The following PCDHGB4 variants were observed in gnomAD, a reference collection of about 807,000 sequenced individuals.
The protein encoded by PCDHGB4 is protocadherin gamma-B4.
PCDHGB4 carries 38 observed loss-of-function variants against 60.5 expected under a neutral mutation model. The observed-to-expected ratio is 0.63, with a 90% CI of 0.48 to 0.82. PCDHGB4 has a LOEUF of 0.82. Among genes scored for constraint, PCDHGB4 ranks in the 40% least tolerant of loss-of-function variants. PCDHGB4 has a pLI of 0.00. For synonymous variants in PCDHGB4, 456 were observed against 509.7 expected, an observed-to-expected ratio of 0.89 and a Z score of 1.42; for missense variants, 1,109 against 1,209.6, an observed-to-expected ratio of 0.92 and a Z score of 1.23.
chr5:141,408,326 G>A, intron 1 of PCDHGB4: 6 of 1,613,904 alleles, frequency 3.7e-6, no homozygotes, highest in Non-Finnish European at 4.2e-6. Context: ...GGAGGAGCTG[G>A]CCAAGGGCTC....
At position 141,489,586 on chromosome 5, in the gene PCDHGB4, C is replaced by T; in HGVS notation, c.2398-5221C>T. 1 of 1,614,082 alleles carries T rather than the reference C, an allele frequency of 6.2e-7. No individual in the cohort carries two copies. The highest frequency in any genetic ancestry group is 8.5e-7 in the Non-Finnish European group (1 of 1,179,988). On this transcript the variant is annotated intron_variant, in intron 1 of 3. Coordinates refer to ENST00000519479, the MANE Select transcript of PCDHGB4 (RefSeq NM_003736.4). This position sits in a 1 kb window ranked among gnomAD's most constrained non-coding sequence, Gnocchi z 4.5. ...GGTGGTGACTGAACACCCCCTGGAG[C>T]TAATCCGTGTAGAGGTAGAGATCCT...
intron 1 of PCDHGB4, among the ~76,000 whole-genome samples, chr5:141,465,576 C>T (rs1002696285): frequency 6.6e-6 from 1 of 152,136 alleles, no homozygotes; most frequent in Non-Finnish European, 1.5e-5. Context: ...TCTCAAAACA[C>T]TCTCATAATA....
chr5:141,399,414 C>T, intron 1 of PCDHGB4: 1 of 1,614,034 alleles, frequency 6.2e-7, no homozygotes, highest in East Asian at 2.2e-5. Flanking sequence ...CGCCCCTCTC[C>T]TCCAGCATAA....
chr5:141,497,509 C>T (rs1282025317), intron 2 of PCDHGB4, among the ~76,000 whole-genome samples: 1 of 151,184 alleles, frequency 6.6e-6, no homozygotes, highest in Non-Finnish European at 1.5e-5. Flanking sequence ...CTCTCTGCTT[C>T]CTTAGTTAAC....
At chr5:141,478,090 C>T in intron 1 of PCDHGB4, 2 of 1,614,108 alleles carry the variant, frequency 1.2e-6, no homozygotes, top group Non-Finnish European at 1.7e-6. Flanking sequence ...CGCTCTCCAC[C>T]ACTGCTACCC....
In PCDHGB4 at chr5:141,493,233, G is replaced by T. The variant is rs1335823475; in HGVS notation, c.2398-1574G>T. ...TTTGCTCTTCCCACCATTGCTGTTG[G>T]CTAGGTACTAACATGCCTCTCTTAT... is the stretch of plus-strand genomic sequence containing the variant. On this transcript the variant is annotated intron_variant, in intron 1 of 3. Coordinates refer to ENST00000519479, the MANE Select transcript of PCDHGB4 (RefSeq NM_003736.4). This position sits in a 1 kb window ranked among gnomAD's most constrained non-coding sequence, Gnocchi z 4.3. 6.6e-6 allele frequency among the ~76,000 whole-genome samples: 1 copy of T among 152,172 alleles called. No homozygotes were observed. The highest frequency in any genetic ancestry group is 2.1e-4 in the South Asian group (1 of 4,828).
At chr5:141,405,082 G>A (rs376389835) in intron 1 of PCDHGB4, 21 of 1,613,674 alleles carry the variant, frequency 1.3e-5, no homozygotes, top group East Asian at 2.2e-5. Context: ...TCGTTATCAC[G>A]CTGCTGGCCC....
At chr5:141,403,596 C>G (rs746360206) in intron 1 of PCDHGB4, 16 of 1,613,650 alleles carry the variant, frequency 9.9e-6, no homozygotes, top group African/African-American at 2.7e-5. Flanking sequence ...CTCACGGCCT[C>G]GGATGGCGGC....
chr5:141,452,494 T>C (rs1186924396), intron 1 of PCDHGB4, among the ~76,000 whole-genome samples: 2 of 152,192 alleles, frequency 1.3e-5, no homozygotes, highest in African/African-American at 4.8e-5. Flanking sequence ...CACACCCATA[T>C]TTATATTTGT....
Position 141,455,633 on chromosome 5 carries a change from G to A in PCDHGB4, c.2398-39174G>A, listed in dbSNP as rs1049071525. On this transcript the variant is annotated intron_variant, in intron 1 of 3. Coordinates refer to ENST00000519479, the MANE Select transcript of PCDHGB4 (RefSeq NM_003736.4). ...ATGTTCTAAACACGTGGAGATATGT[G>A]GGGGGCAGCCATGTGGCCAGGAACT... Among the ~76,000 whole-genome samples, 19 of 152,198 alleles carry A rather than the reference G, an allele frequency of 1.2e-4. No homozygotes were observed. In the East Asian group the frequency reaches 3.1e-3, roughly 25 times the overall value.
At chr5:141,500,546 G>A (rs1428503967) in intron 2 of PCDHGB4, among the ~76,000 whole-genome samples, 1 of 152,126 alleles carries the variant, frequency 6.6e-6, no homozygotes, top group African/African-American at 2.4e-5. Context: ...ACCTAAATAA[G>A]TTGTTCACAA....
chr5:141,404,174 C>A, intron 1 of PCDHGB4: 1 of 1,613,138 alleles, frequency 6.2e-7, no homozygotes, highest in Non-Finnish European at 8.5e-7. Flanking sequence ...GTTGACGGCC[C>A]AAATTCTTGA....
intron 1 of PCDHGB4, among the ~76,000 whole-genome samples, chr5:141,438,611 TATATATATATATATATATATATATAC>T (rs1451681129): frequency 0.1 from 4,016 of 39,372 alleles, 166 homozygotes; most frequent in Middle Eastern, 0.18. Context: ...TATATATATA[TATATATATATATATATATATATATAC>T]ACACACACAC....
At chr5:141,420,073 G>A (rs2096463936) in intron 1 of PCDHGB4, 23 of 1,613,964 alleles carry the variant, frequency 1.4e-5, no homozygotes, top group Non-Finnish European at 1.9e-5. Context: ...CCGGACCTGT[G>A]GGTCCCCCCA....
rs534304763 is a variant in PCDHGB4 at position 141,394,533 on chromosome 5, G to T, written c.2397+4252G>T. 2 of 1,614,092 alleles carry T rather than the reference G, an allele frequency of 1.2e-6. No individual in the cohort carries two copies. The highest frequency in any genetic ancestry group is 3.3e-5 in the Admixed American group (2 of 60,014). On this transcript the variant is annotated intron_variant, in intron 1 of 3. Transcript: ENST00000519479. Reference sequence around the variant, plus strand: ...CGCCCTCCCCACAGACGGTTCCACTGGCGTGGAGCTGGCGCCCCGCTCCGC... The same window carrying T: ...CGCCCTCCCCACAGACGGTTCCACTTGCGTGGAGCTGGCGCCCCGCTCCGC...
At position 141,490,908 on chromosome 5, in the gene PCDHGB4, C is replaced by G; in HGVS notation, c.2398-3899C>G. On this transcript the variant is annotated intron_variant, in intron 1 of 3. Transcript: ENST00000519479. This position sits in a 1 kb window ranked among gnomAD's most constrained non-coding sequence, Gnocchi z 5.4. ...CATCTCTGCATGTGTTTGTCCTAGA[C>G]GAGAATGATAATGCCCCAGCTGTGC... The G allele has an allele frequency of 6.2e-7, 1 of 1,613,710 alleles. No individual in the cohort carries two copies. Among genetic ancestry groups the G allele is most frequent in the Non-Finnish European group, 8.5e-7 (1 of 1,179,754 alleles).
chr5:141,421,418 G>C, intron 1 of PCDHGB4: 1 of 1,614,086 alleles, frequency 6.2e-7, no homozygotes, highest in Middle Eastern at 1.7e-4. Context: ...GCGAAGCGCG[G>C]AGTCCGCATC....
chr5:141,509,602 C>T (rs921950654), intron 3 of PCDHGB4, among the ~76,000 whole-genome samples: 8 of 152,194 alleles, frequency 5.3e-5, no homozygotes, highest in Non-Finnish European at 8.8e-5. Context: ...TTCCGAGAGG[C>T]TGCATTCTAA....
rs200757040 is a variant in PCDHGB4, at chr5:141,431,080, C to T, written c.2397+40799C>T. 3 of 1,614,044 alleles carry T rather than the reference C, an allele frequency of 1.9e-6. No homozygotes were observed. The highest frequency in any genetic ancestry group is 2.5e-6 in the Non-Finnish European group (3 of 1,180,010). ...CCATCAAGTGTCAATTAAATCTAGA[C>T]ATTCTGATGGAGGATAAAGTGAAAA... On this transcript the variant is annotated intron_variant, in intron 1 of 3. Coordinates refer to ENST00000519479, the MANE Select transcript of PCDHGB4 (RefSeq NM_003736.4). This position sits in a 1 kb window ranked among gnomAD's most constrained non-coding sequence, Gnocchi z 4.8.
Sources: allele counts gnomAD v4.1 joint callset (sites outside exome capture counted in the v4.1 genomes callset), GRCh38; gene constraint gnomAD v4.1.1; non-coding constraint Gnocchi (gnomAD v3.1); transcripts MANE v1.5; gene names NCBI Gene and HGNC (gene_info 2026-07-23, HGNC 2026-07-21).